FSD1: variants seen among roughly 807,000 people sequenced by gnomAD.
FSD1 encodes fibronectin type III and SPRY domain containing 1, also known as fibronectin type III and SPRY domain-containing protein 1.
Under a neutral mutation model 58.2 loss-of-function variants are expected in FSD1, and 23 were observed. The ratio of observed to expected loss-of-function variants is 0.40; its 90% CI spans 0.28 to 0.56. The LOEUF is 0.56. FSD1 is among the 20% of genes least tolerant of loss of function. The probability of loss-of-function intolerance (pLI) is 0.54; values close to 1 mark genes in which losing one functional copy is unlikely to be tolerated. For missense variants in FSD1, 563 were observed against 670.8 expected (o/e 0.84, Z 1.78); for synonymous variants, 265 against 263.4 (o/e 1.01, Z -0.06).
At chr19:4,308,031 G>A (rs779910942) in intron 4 of FSD1, 48 bp downstream of exon 4, 6 of 1,448,914 alleles carry the variant, frequency 4.1e-6, no homozygotes, top group South Asian at 2.4e-5. Context: ...GCCCAGTCAC[G>A]TTTGCATTTC....
intron 7 of FSD1, among the ~76,000 whole-genome samples, chr19:4,312,526 G>T (rs1189489361): frequency 7.0e-6 from 1 of 143,456 alleles, no homozygotes; most frequent in African/African-American, 2.6e-5. Flanking sequence ...AATATAGGCC[G>T]GGCGCGGTAG....
chr19:4,322,960 C>A, intron 10 of FSD1, 26 bp from the exon 11 acceptor site: 1 of 1,595,006 alleles, frequency 6.3e-7, no homozygotes. Context: ...AGTTCCCCTG[C>A]CCACCCCTCC....
intron 6 of FSD1, 75 bp from the exon 7 acceptor site, chr19:4,311,767 C>A: frequency 1.4e-6 from 2 of 1,394,292 alleles, no homozygotes; most frequent in Non-Finnish European, 2.0e-6. Flanking sequence ...TGTGGTTGGG[C>A]AGCCCTGCAG....
rs1599544679 is a variant in FSD1, at chr19:4,323,479, T to C, written c.1380+43T>C. ...GCCCAGGGGGAGGAGAGGGTGGTGCTGGGCGCTGGGGTTTGAAGCTGAGCC... is the reference window on the plus strand; with the variant it reads ...GCCCAGGGGGAGGAGAGGGTGGTGCCGGGCGCTGGGGTTTGAAGCTGAGCC... On this transcript the variant is annotated intron_variant, in intron 12 of 12. Coordinates refer to ENST00000221856, the MANE Select transcript of FSD1 (RefSeq NM_024333.3). The surrounding 1 kb of genome is among the most constrained non-coding windows in gnomAD (Gnocchi z 7.7). The C allele has an allele frequency of 6.2e-7, 1 of 1,600,646 alleles. No individual in the cohort carries two copies. The highest frequency in any genetic ancestry group is 2.2e-5 in the East Asian group (1 of 44,650).
chr19:4,313,660 G>A (rs994836265), intron 7 of FSD1, among the ~76,000 whole-genome samples: 9 of 151,256 alleles, frequency 6.0e-5, no homozygotes, highest in African/African-American at 2.2e-4. Flanking sequence ...AGAAGTTGCA[G>A]TGAGCTGAGA....
intron 7 of FSD1, among the ~76,000 whole-genome samples, chr19:4,314,537 A>C (rs1181922843): frequency 6.9e-6 from 1 of 145,454 alleles, no homozygotes; most frequent in Non-Finnish European, 1.5e-5. Flanking sequence ...CCCAGGCTGG[A>C]GTGCAGTGGC....
chr19:4,323,487 G>C lies in FSD1; in HGVS notation c.1381-46G>C. ...GGAGGAGAGGGTGGTGCTGGGCGCT[G>C]GGGTTTGAAGCTGAGCCCCTCCCCC... On this transcript the variant is annotated intron_variant, in intron 12 of 12. Transcript: ENST00000221856. The surrounding 1 kb of genome is among the most constrained non-coding windows in gnomAD (Gnocchi z 7.7). 2 of 1,597,590 alleles carry C rather than the reference G, an allele frequency of 1.3e-6. No homozygotes were observed. Among genetic ancestry groups the C allele is most frequent in the Non-Finnish European group, 1.7e-6 (2 of 1,166,716 alleles).
intron 7 of FSD1, among the ~76,000 whole-genome samples, chr19:4,316,366 C>T (rs1040910985): frequency 6.6e-6 from 1 of 151,276 alleles, no homozygotes; most frequent in African/African-American, 2.4e-5. Context: ...GGATTACAGG[C>T]GCCACCCCCC....
chr19:4,321,580 C>T (rs1469425178), intron 10 of FSD1, among the ~76,000 whole-genome samples: 4 of 150,678 alleles, frequency 2.7e-5, no homozygotes, highest in Non-Finnish European at 5.9e-5. Context: ...CGAGGAGTAT[C>T]TGGGAGGAAT....
At chr19:4,317,507 C>T (rs1050069312) in intron 8 of FSD1, among the ~76,000 whole-genome samples, 1 of 152,168 alleles carries the variant, frequency 6.6e-6, no homozygotes, top group Admixed American at 6.5e-5. Context: ...TACAGCCACA[C>T]ACACTCTCTC....
At chr19:4,319,095 T>C (rs1971787152) in intron 10 of FSD1, 144 bp downstream of exon 10, 1 of 668,234 alleles carries the variant, frequency 1.5e-6, no homozygotes, top group Non-Finnish European at 2.7e-6. Flanking sequence ...GTTCTGGCAC[T>C]GCCCAAATGG....
chr19:4,321,298 CTGAGGAGTATCTGTGGAAAT>C, intron 10 of FSD1, among the ~76,000 whole-genome samples: 2 of 128,786 alleles, frequency 1.6e-5, no homozygotes, highest in African/African-American at 3.1e-5. Flanking sequence ...ATAGCTGGGA[CTGAGGAGTATCTGTGGAAAT>C]AGCTGGGACT....
chr19:4,322,748 G>C (rs2144773308), intron 10 of FSD1, among the ~76,000 whole-genome samples: 1 of 152,220 alleles, frequency 6.6e-6, no homozygotes, highest in East Asian at 1.9e-4. Context: ...TATCTGGAGG[G>C]AATAGCTAGG....
chr19:4,313,842 A>G (rs535688874), intron 7 of FSD1, among the ~76,000 whole-genome samples: 1 of 152,158 alleles, frequency 6.6e-6, no homozygotes, highest in South Asian at 2.1e-4. Context: ...CCTGGCCAGC[A>G]TGGTAAAACC....
intron 5 of FSD1, 24 bp from the exon 6 acceptor site, chr19:4,310,451 A>G: frequency 6.2e-7 from 1 of 1,607,200 alleles, no homozygotes; most frequent in Admixed American, 1.7e-5. Flanking sequence ...CCCCCACGCA[A>G]CGCCTGCCAC....
chr19:4,308,665 A>G (rs900597411), intron 4 of FSD1, among the ~76,000 whole-genome samples: 27 of 152,112 alleles, frequency 1.8e-4, no homozygotes, highest in African/African-American at 5.3e-4. Context: ...AGACCATCCT[A>G]ACACAGTGAA....
At chr19:4,322,316 G>A (rs528733082) in intron 10 of FSD1, among the ~76,000 whole-genome samples, 131 of 142,856 alleles carry the variant, frequency 9.2e-4, no homozygotes, top group African/African-American at 2.8e-3. Context: ...CTGGGGGGGC[G>A]GATAGCTGGG....
intron 10 of FSD1, among the ~76,000 whole-genome samples, chr19:4,320,120 C>G (rs1971797754): frequency 6.6e-6 from 1 of 152,030 alleles, no homozygotes; most frequent in Non-Finnish European, 1.5e-5. Flanking sequence ...GAGCTGAGGC[C>G]TGGAGAGTAT....
intron 7 of FSD1, 55 bp downstream of exon 7, chr19:4,312,106 C>T: frequency 6.9e-7 from 1 of 1,441,474 alleles, no homozygotes; most frequent in South Asian, 1.2e-5. Flanking sequence ...CTCTTCCAGC[C>T]TCCCGTCTCG....
Sources: allele counts gnomAD v4.1 joint callset (sites outside exome capture counted in the v4.1 genomes callset), GRCh38; gene constraint gnomAD v4.1.1; non-coding constraint Gnocchi (gnomAD v3.1); transcripts MANE v1.5; gene names NCBI Gene and HGNC (gene_info 2026-07-23, HGNC 2026-07-21).